Variants in RP1 observed in about 807,000 individuals in gnomAD.
RP1 encodes oxygen-regulated protein 1.
A neutral mutation model predicts 14.8 loss-of-function variants in RP1; 16 were observed. The observed-to-expected ratio is 1.08, with a 90% confidence interval of 0.73 to 1.65. RP1 has a LOEUF of 1.65. Ranked by LOEUF, RP1 falls within the 40% of genes most tolerant of loss-of-function variation. The pLI is 0.00. For missense variants in RP1, 2,631 were observed against 2,535.0 expected (o/e 1.04, Z -0.81); for synonymous variants, 876 against 883.6 (o/e 0.99, Z 0.15).
chr8:54,829,144 A>T (rs1811460583), intron 24 of RP1, among the ~76,000 whole-genome samples: 1 of 151,944 alleles, frequency 6.6e-6, no homozygotes, highest in African/African-American at 2.4e-5. Flanking sequence ...TAATCTTACA[A>T]GACCACTGCA....
intron 24 of RP1, among the ~76,000 whole-genome samples, chr8:54,819,825 C>T (rs929293382): frequency 5.3e-5 from 8 of 152,246 alleles, no homozygotes; most frequent in Admixed American, 5.2e-4. Flanking sequence ...TTCCCCTAAA[C>T]AGAAAAAGCC....
upstream of RP1, among the ~76,000 whole-genome samples, chr8:54,615,792 C>G (rs924764210): frequency 4.6e-5 from 7 of 152,162 alleles, no homozygotes; most frequent in African/African-American, 1.4e-4. Flanking sequence ...CATTTTTAGC[C>G]TGCACAATAA....
At chr8:54,758,996 C>G (rs764082512) in exon 22 of RP1, 4 of 1,535,740 alleles carry the variant, frequency 2.6e-6, no homozygotes, top group African/African-American at 1.4e-5. Context: ...AGGCCAGTGA[C>G]AAATCACAGT....
chr8:54,739,626 C>A (rs886570434), intron 19 of RP1, among the ~76,000 whole-genome samples: 3 of 150,800 alleles, frequency 2.0e-5, no homozygotes, highest in African/African-American at 7.3e-5. Flanking sequence ...CTCGGTGGTG[C>A]ATTTTTTTTT....
At chr8:54,731,179 A>G (rs1052655197) in intron 17 of RP1, among the ~76,000 whole-genome samples, 12 of 152,198 alleles carry the variant, frequency 7.9e-5, no homozygotes, top group African/African-American at 2.9e-4. Context: ...CAAGTAATTT[A>G]TTTTTTTCCA....
intron 5 of RP1, among the ~76,000 whole-genome samples, chr8:54,653,093 C>T (rs539656432): frequency 5.0e-4 from 76 of 152,178 alleles, no homozygotes; most frequent in African/African-American, 1.0e-3. Flanking sequence ...AAGAAAAAAA[C>T]GCCTGGGACT....
chr8:54,808,543 C>T (rs1299120188), intron 24 of RP1, among the ~76,000 whole-genome samples: 1 of 152,180 alleles, frequency 6.6e-6, no homozygotes, highest in Admixed American at 6.5e-5. Flanking sequence ...AACTCTTAGC[C>T]TATTTTATGG....
At chr8:54,757,164 A>C (rs2129368184) in intron 21 of RP1, among the ~76,000 whole-genome samples, 1 of 152,324 alleles carries the variant, frequency 6.6e-6, no homozygotes, top group Non-Finnish European at 1.5e-5. Flanking sequence ...CTGTGGTAAG[A>C]GTCTGAGAGT....
At chr8:54,652,661 A>T in intron 4 of RP1, 1 of 680,324 alleles carries the variant, frequency 1.5e-6, no homozygotes, top group South Asian at 1.7e-5. Context: ...ACATGTTTAT[A>T]ATTCTTATGT....
Position 54,626,419 on chromosome 8 carries a change from A to G in RP1, c.2537A>G (p.Tyr846Cys). 1 of 1,613,682 alleles carries G rather than the reference A, an allele frequency of 6.2e-7. No individual in the cohort carries two copies. Residue 846 changes from tyrosine to cysteine, a missense_variant, in exon 4 of 4, where the codon TAT (tyrosine) becomes TGT (cysteine). Transcript: ENST00000220676. ...PQSQAEVASG[Y>C]LRGMAKKSLV... is the part of the protein sequence containing the mutation. ...TCTCAAGCAGAAGTGGCATCTGGGT[A>G]TTTGAGAGGAATGGCAAAGAAGAGT... is the stretch of plus-strand genomic sequence containing the variant.
intron 1 of RP1, among the ~76,000 whole-genome samples, chr8:54,580,745 A>T (rs1804771150): frequency 6.6e-6 from 1 of 151,830 alleles, no homozygotes; most frequent in Non-Finnish European, 1.5e-5. Context: ...CAGCCTCCAG[A>T]GTAGCTGGGA....
downstream of RP1, among the ~76,000 whole-genome samples, chr8:54,633,017 C>G (rs1039091057): frequency 1.3e-5 from 2 of 152,010 alleles, no homozygotes; most frequent in Non-Finnish European, 2.9e-5. Flanking sequence ...CTGTGCTATG[C>G]GCTGCCAAAA....
At chr8:54,717,428 A>C (rs953369230) in intron 15 of RP1, among the ~76,000 whole-genome samples, 2 of 152,156 alleles carry the variant, frequency 1.3e-5, no homozygotes, top group African/African-American at 2.4e-5. Flanking sequence ...CTTGAGTTAG[A>C]TCTAGGAATG....
intron 1 of RP1, among the ~76,000 whole-genome samples, chr8:54,566,149 A>G (rs1044957265): frequency 1.3e-5 from 2 of 152,206 alleles, no homozygotes; most frequent in Non-Finnish European, 2.9e-5. Flanking sequence ...AAATATGGTC[A>G]CATTCTGAGG....
At position 54,629,632 on chromosome 8, in the gene RP1, A is replaced by C; in HGVS notation, c.5750A>C (p.His1917Pro). The C allele has an allele frequency of 6.2e-7, 1 of 1,613,962 alleles. No individual in the cohort carries two copies. The highest frequency in any genetic ancestry group is 1.3e-5 in the African/African-American group (1 of 75,060). The change falls in exon 4 of 4, where the codon CAT (histidine) becomes CCT (proline). Residue 1917 changes from histidine (H) to proline (P), a missense_variant. His to Pro is a moderately conservative substitution (Grantham distance 77). Coordinates refer to ENST00000220676, the MANE Select transcript of RP1 (RefSeq NM_006269.2). ...LDKLYALCGQ[H>P]CPILTVIIQP... ...AAACTGTATGCTCTTTGTGGTCAAC[A>C]TTGCCCAATACTAACTGTTATTATC...
chr8:54,812,682 C>T (rs905280951), intron 24 of RP1, among the ~76,000 whole-genome samples: 2 of 152,150 alleles, frequency 1.3e-5, no homozygotes, highest in Non-Finnish European at 2.9e-5. Context: ...GGTTCTCAGG[C>T]ATAACAGCAG....
chr8:54,713,454 A>G (rs936361408), intron 15 of RP1, among the ~76,000 whole-genome samples: 29 of 152,332 alleles, frequency 1.9e-4, no homozygotes, highest in African/African-American at 6.7e-4. Flanking sequence ...AAGTGTGATC[A>G]CTGTAACCAA....
intron 24 of RP1, among the ~76,000 whole-genome samples, chr8:54,802,049 G>A (rs538268960): frequency 4.6e-5 from 7 of 152,176 alleles, no homozygotes; most frequent in African/African-American, 1.4e-4. Flanking sequence ...AGTCACTAAA[G>A]AGCTGCAGAT....
At chr8:54,824,062 G>A (rs540870900) in intron 24 of RP1, among the ~76,000 whole-genome samples, 5 of 151,610 alleles carry the variant, frequency 3.3e-5, no homozygotes, top group East Asian at 1.9e-4. Context: ...ATGCTTATTT[G>A]CCATCCATAC....
Sources: gnomAD v4.1 joint callset for allele counts (sites outside exome capture counted in the v4.1 genomes callset) on GRCh38, gnomAD v4.1.1 for gene constraint, MANE v1.5 for transcripts, NCBI Gene and HGNC (gene_info 2026-07-23, HGNC 2026-07-21) for gene names.